Variants in DOCK8 observed in about 807,000 individuals in gnomAD.
The protein encoded by DOCK8 is dedicator of cytokinesis 8, also known as dedicator of cytokinesis protein 8.
DOCK8 carries 141 observed loss-of-function variants against 245.6 expected under a neutral mutation model. That is an observed-to-expected ratio of 0.57 (90% confidence interval 0.50 to 0.66). The LOEUF (loss-of-function observed/expected upper bound fraction) is 0.66. DOCK8 is among the 30% of genes least tolerant of loss of function. The pLI is 0.00. For synonymous variants in DOCK8, 1,168 were observed against 970.2 expected, an observed-to-expected ratio of 1.20 and a Z score of -3.79; for missense variants, 2,965 against 2,603.4, an observed-to-expected ratio of 1.14 and a Z score of -3.02.
intron 36 of DOCK8, 21 bp from the exon 37 acceptor site, chr9:432,145 T>C: frequency 6.3e-7 from 1 of 1,596,942 alleles, no homozygotes; most frequent in Non-Finnish European, 8.6e-7. Context: ...TTCATCTTTT[T>C]TTTTTTTTTC....
At chr9:394,630 T>G (rs2054360528) in intron 24 of DOCK8, among the ~76,000 whole-genome samples, 1 of 152,240 alleles carries the variant, frequency 6.6e-6, no homozygotes, top group Non-Finnish European at 1.5e-5. Flanking sequence ...TTCTAGAAAC[T>G]GCTGAGCCAG....
intron 8 of DOCK8, 120 bp downstream of exon 8, chr9:325,857 G>A: frequency 1.1e-6 from 1 of 934,056 alleles, no homozygotes; most frequent in Non-Finnish European, 1.7e-6. Context: ...AATGATCTTT[G>A]ATGAGTCCAG....
rs565815741 is a variant in DOCK8, at chr9:356,403, G to A, written c.1680-11615G>A. 2.6e-4 allele frequency among the ~76,000 whole-genome samples: 40 copies of A among 151,972 alleles called. No individual in the cohort carries two copies. In the South Asian group the frequency reaches 3.1e-3, roughly 12 times the overall value. On this transcript the variant is annotated intron_variant, in intron 14 of 47. Coordinates refer to ENST00000432829, the MANE Select transcript of DOCK8 (RefSeq NM_203447.4). ...AAACTAGCCAGGCGTGGTAGCAGGC[G>A]CCTGTAATCCCAGCTACTCCGGAGG...
intron 44 of DOCK8, among the ~76,000 whole-genome samples, chr9:449,336 G>A (rs1248231111): frequency 1.4e-5 from 2 of 147,546 alleles, no homozygotes; most frequent in Non-Finnish European, 1.5e-5. Context: ...GACAACAAGA[G>A]CAAAACTCCA....
rs79332955 is a variant in DOCK8 at position 433,816 on chromosome 9, C to G, written c.4786-59C>G. 0.053 allele frequency: 73,744 copies of G among 1,403,990 alleles called. 2,317 individuals carry two copies. The highest frequency in any genetic ancestry group is 0.064 in the Non-Finnish European group (62,951 of 988,732). The allele number at this position is 1,403,990 out of a possible 1,614,324, so 87.0% of individuals were successfully genotyped here. On this transcript the variant is annotated intron_variant, in intron 37 of 47. Coordinates refer to ENST00000432829, the MANE Select transcript of DOCK8 (RefSeq NM_203447.4). ...CTTCCCCTTGCATTTCAATGTAATCCTAACTCTTCACCTGGGACTACAAAG... is the reference window on the plus strand; with the variant it reads ...CTTCCCCTTGCATTTCAATGTAATCGTAACTCTTCACCTGGGACTACAAAG...
At chr9:388,407 G>T (rs555175614) in intron 23 of DOCK8, among the ~76,000 whole-genome samples, 4 of 152,230 alleles carry the variant, frequency 2.6e-5, no homozygotes, top group Non-Finnish European at 5.9e-5. Flanking sequence ...CCACTAACCC[G>T]CCTGGGATCT....
intron 4 of DOCK8, among the ~76,000 whole-genome samples, chr9:293,954 C>T (rs1243943142): frequency 6.6e-6 from 1 of 152,230 alleles, no homozygotes; most frequent in African/African-American, 2.4e-5. Flanking sequence ...GTGTCCTACC[C>T]TTCCCTTAAC....
At chr9:397,082 A>G in intron 25 of DOCK8, 148 bp downstream of exon 25, 1 of 1,015,538 alleles carries the variant, frequency 9.8e-7, no homozygotes. Context: ...ACTGGACTGG[A>G]CCCTGATGTG....
chr9:307,655 G>A (rs1157094635), intron 5 of DOCK8, among the ~76,000 whole-genome samples: 2 of 151,936 alleles, frequency 1.3e-5, no homozygotes, highest in African/African-American at 2.4e-5. Context: ...ACCGCACCCG[G>A]CCCACTGTCT....
chr9:411,758 A>G (rs1396034799), intron 28 of DOCK8, among the ~76,000 whole-genome samples: 1 of 152,232 alleles, frequency 6.6e-6, no homozygotes, highest in African/African-American at 2.4e-5. Flanking sequence ...AGTAGGATTT[A>G]TCTCAGGAAT....
chr9:227,714 A>C (rs2047020534), intron 1 of DOCK8, among the ~76,000 whole-genome samples: 1 of 152,178 alleles, frequency 6.6e-6, no homozygotes, highest in Non-Finnish European at 1.5e-5. Flanking sequence ...CAGCATGGAA[A>C]ATGTTGATTA....
At chr9:351,386 G>T (rs1353071324) in intron 14 of DOCK8, among the ~76,000 whole-genome samples, 2 of 152,200 alleles carry the variant, frequency 1.3e-5, no homozygotes, top group South Asian at 2.1e-4. Context: ...GGCTGGAAAA[G>T]GGCCCCAGTA....
chr9:367,965 G>A (rs2053091090), intron 14 of DOCK8, 53 bp from the exon 15 acceptor site: 2 of 1,471,836 alleles, frequency 1.4e-6, no homozygotes, highest in Non-Finnish European at 1.9e-6. Context: ...GAAGAACTTA[G>A]TTAAAATAAA....
intron 8 of DOCK8, among the ~76,000 whole-genome samples, chr9:326,892 T>A (rs754818135): frequency 8.5e-5 from 13 of 152,230 alleles, no homozygotes; most frequent in Non-Finnish European, 1.9e-4. Flanking sequence ...GTAAATGTAG[T>A]CTCTGCCTGG....
intron 46 of DOCK8, chr9:456,965 GAA>G (rs2057661924): frequency 6.9e-6 from 1 of 144,474 alleles, no homozygotes; most frequent in Admixed American, 7.4e-5. Flanking sequence ...GATACACCCT[GAA>G]AGGGTTCTGC....
intron 46 of DOCK8, among the ~76,000 whole-genome samples, chr9:461,034 G>A (rs775770616): frequency 9.2e-5 from 14 of 152,206 alleles, no homozygotes; most frequent in African/African-American, 2.4e-4. Flanking sequence ...CCCTTGGGTA[G>A]AAGAGTACAA....
chr9:371,413 G>C lies in DOCK8; in HGVS notation c.1869-15G>C. 1 of 1,614,152 alleles carries C rather than the reference G, an allele frequency of 6.2e-7. No homozygotes were observed. Among genetic ancestry groups the C allele is most frequent in the African/African-American group, 1.3e-5 (1 of 75,044 alleles). ...TTGCTAAAAGTTATTTGTGTATAAT[G>C]TGCTTTTGAAACAGGTCTCCTGACT... is the stretch of plus-strand genomic sequence containing the variant. On this transcript the variant is annotated splice_polypyrimidine_tract_variant and intron_variant, in intron 16 of 47. Transcript: ENST00000432829.
chr9:403,294 G>T (rs1442007991), intron 26 of DOCK8, among the ~76,000 whole-genome samples: 2 of 152,124 alleles, frequency 1.3e-5, no homozygotes, highest in East Asian at 3.9e-4. Flanking sequence ...CCGATAGCCG[G>T]CTTGACCCGA....
At chr9:461,071 T>G (rs2057788646) in intron 46 of DOCK8, among the ~76,000 whole-genome samples, 1 of 152,354 alleles carries the variant, frequency 6.6e-6, no homozygotes, top group Middle Eastern at 3.4e-3. Flanking sequence ...TCATCATGTT[T>G]AAATAACGTG....
Sources: gnomAD v4.1 joint callset for allele counts (sites outside exome capture counted in the v4.1 genomes callset) on GRCh38, gnomAD v4.1.1 for gene constraint, MANE v1.5 for transcripts, NCBI Gene and HGNC (gene_info 2026-07-23, HGNC 2026-07-21) for gene names.